The following ENTHD1 variants were observed in gnomAD, a reference collection of about 807,000 sequenced individuals.
ENTHD1 encodes the protein ENTH domain-containing protein 1.
ENTHD1 carries 23 observed loss-of-function variants against 39.1 expected under a neutral mutation model. The observed-to-expected ratio is 0.59, with a 90% confidence interval of 0.42 to 0.83. The LOEUF (loss-of-function observed/expected upper bound fraction) is 0.83. Among genes scored for constraint, ENTHD1 ranks in the 40% least tolerant of loss-of-function variants. The probability of loss-of-function intolerance (pLI) is 0.00; values close to 1 mark genes in which losing one functional copy is unlikely to be tolerated. For missense variants in ENTHD1, 624 were observed against 705.4 expected, an observed-to-expected ratio of 0.88 and a Z score of 1.31; for synonymous variants, 230 against 258.2, an observed-to-expected ratio of 0.89 and a Z score of 1.05.
At chr22:39,827,314 C>T (rs2065834902) in intron 4 of ENTHD1, among the ~76,000 whole-genome samples, 1 of 151,810 alleles carries the variant, frequency 6.6e-6, no homozygotes, top group Non-Finnish European at 1.5e-5. Flanking sequence ...TATGGTCAGC[C>T]CAGGGTAACA....
intron 2 of ENTHD1, among the ~76,000 whole-genome samples, chr22:39,885,584 G>A (rs1303544225): frequency 6.6e-6 from 1 of 152,106 alleles, no homozygotes; most frequent in East Asian, 1.9e-4. Flanking sequence ...CAACCCAAGA[G>A]TCCATCAACA....
At chr22:39,783,137 C>T (rs565925811) in intron 5 of ENTHD1, among the ~76,000 whole-genome samples, 7 of 152,118 alleles carry the variant, frequency 4.6e-5, no homozygotes, top group African/African-American at 1.7e-4. Flanking sequence ...GCTAACAATG[C>T]ACAACCTGAA....
intron 5 of ENTHD1, among the ~76,000 whole-genome samples, chr22:39,793,600 T>A (rs1266216387): frequency 6.6e-6 from 1 of 152,216 alleles, no homozygotes; most frequent in Non-Finnish European, 1.5e-5. Context: ...CCCCTATGTT[T>A]TCTTCAAGTA....
At chr22:39,819,356 C>G (rs2065760489) in intron 5 of ENTHD1, among the ~76,000 whole-genome samples, 1 of 148,916 alleles carries the variant, frequency 6.7e-6, no homozygotes, top group Non-Finnish European at 1.5e-5. Flanking sequence ...CAGAGCGAGA[C>G]TCTGTCTCAA....
chr22:39,877,987 G>T (rs548600669), intron 2 of ENTHD1, among the ~76,000 whole-genome samples: 1 of 152,178 alleles, frequency 6.6e-6, no homozygotes, highest in African/African-American at 2.4e-5. Flanking sequence ...AGATAGGGCC[G>T]AGATATTAGA....
intron 5 of ENTHD1, among the ~76,000 whole-genome samples, chr22:39,816,169 T>C (rs1324301560): frequency 6.6e-6 from 1 of 152,216 alleles, no homozygotes; most frequent in Non-Finnish European, 1.5e-5. Flanking sequence ...ATAACTCTCC[T>C]ACTTTATTTT....
chr22:39,850,970 T>C (rs184327942), intron 3 of ENTHD1, among the ~76,000 whole-genome samples: 120 of 152,332 alleles, frequency 7.9e-4, no homozygotes, highest in Middle Eastern at 3.4e-3. Flanking sequence ...TTCAACTATC[T>C]TTCTGGAATA....
At chr22:39,823,920 G>A (rs1296817186) in intron 4 of ENTHD1, among the ~76,000 whole-genome samples, 1 of 151,946 alleles carries the variant, frequency 6.6e-6, no homozygotes, top group Admixed American at 6.6e-5. Context: ...ACAACTTTTC[G>A]TGCGCTTACT....
intron 5 of ENTHD1, among the ~76,000 whole-genome samples, chr22:39,811,116 T>G (rs2065682352): frequency 6.6e-6 from 1 of 152,180 alleles, no homozygotes; most frequent in South Asian, 2.1e-4. Flanking sequence ...ATCTGTGACG[T>G]TTTTAGAGTA....
intron 4 of ENTHD1, among the ~76,000 whole-genome samples, chr22:39,831,281 T>C (rs1260530963): frequency 6.6e-6 from 1 of 152,128 alleles, no homozygotes; most frequent in Non-Finnish European, 1.5e-5. Context: ...AGGGACCAGA[T>C]CTGCAATATC....
chr22:39,762,818 C>G (rs1267030637), intron 6 of ENTHD1, among the ~76,000 whole-genome samples: 1 of 152,126 alleles, frequency 6.6e-6, no homozygotes. Flanking sequence ...TCTTCTTGAT[C>G]ATATTAATAT....
chr22:39,887,576 C>T lies in ENTHD1; in HGVS notation c.173G>A (p.Trp58Ter), dbSNP rs776068348. ...ISLSEIMNML[W>*]HRLNDHGKNW... is the part of the protein sequence containing the mutation. ...CTTCCCATGGTCATTGAGTCTGTGC[C>T]ACAGCATATTCATAATCTCTGAGAG... is the stretch of plus-strand genomic sequence containing the variant. The change falls in exon 2 of 7, where the codon TGG (tryptophan) becomes TAG (stop). Residue 58 changes from tryptophan to a stop codon, truncating the protein, a stop_gained. Transcript: ENST00000325157. LOFTEE classifies it high-confidence loss of function. The T allele has an allele frequency of 6.2e-7, 1 of 1,614,142 alleles. No individual in the cohort carries two copies. The highest frequency in any genetic ancestry group is 2.2e-5 in the East Asian group (1 of 44,882).
intron 2 of ENTHD1, among the ~76,000 whole-genome samples, chr22:39,873,103 C>T (rs931991379): frequency 6.6e-6 from 1 of 152,020 alleles, no homozygotes; most frequent in African/African-American, 2.4e-5. Flanking sequence ...TGAGCCACCA[C>T]ACTCAGCCTA....
intron 1 of ENTHD1, among the ~76,000 whole-genome samples, chr22:39,889,830 C>T (rs2066411914): frequency 6.6e-6 from 1 of 152,124 alleles, no homozygotes; most frequent in African/African-American, 2.4e-5. Context: ...GGCGTGGTGG[C>T]TCACACCTGT....
At chr22:39,832,312 A>AAAAT (rs908078574) in intron 4 of ENTHD1, among the ~76,000 whole-genome samples, 12 of 152,290 alleles carry the variant, frequency 7.9e-5, no homozygotes, top group South Asian at 2.1e-4. Flanking sequence ...CTCTGTTTCT[A>AAAAT]AAATAAATAA....
intron 6 of ENTHD1, among the ~76,000 whole-genome samples, chr22:39,760,623 A>G (rs1434935630): frequency 6.6e-6 from 1 of 151,954 alleles, no homozygotes; most frequent in Non-Finnish European, 1.5e-5. Flanking sequence ...CATTTAATGT[A>G]ATTATTGAAA....
At chr22:39,771,601 A>C (rs1013342426) in intron 5 of ENTHD1, among the ~76,000 whole-genome samples, 2 of 152,200 alleles carry the variant, frequency 1.3e-5, no homozygotes, top group African/African-American at 4.8e-5. Context: ...GAGAAAGATG[A>C]CCCATTCTAT....
At chr22:39,809,201 T>C (rs1045745830) in intron 5 of ENTHD1, among the ~76,000 whole-genome samples, 1 of 152,212 alleles carries the variant, frequency 6.6e-6, no homozygotes, top group African/African-American at 2.4e-5. Flanking sequence ...AAGCAGCCTA[T>C]ATACCTAGAA....
At position 39,824,476 on chromosome 22, in the gene ENTHD1, G is replaced by A. The variant is rs150005525; in HGVS notation, c.712-3363C>T. 9.9e-4 allele frequency among the ~76,000 whole-genome samples: 150 copies of A among 151,912 alleles called. 4 individuals are homozygous for A. The East Asian group carries it at 0.027, about 27-fold the overall frequency. ...CGCCCGTCTCAGCCTCCCAAAGTGC[G>A]GGGATTACAGGGGTGAGCCACCGCA... On this transcript the variant is annotated intron_variant, in intron 4 of 6. Transcript: ENST00000325157.
Sources: allele counts gnomAD v4.1 joint callset (sites outside exome capture counted in the v4.1 genomes callset), GRCh38; gene constraint gnomAD v4.1.1; transcripts MANE v1.5; gene names NCBI Gene and HGNC (gene_info 2026-07-23, HGNC 2026-07-21).